The following CDH8 variants were observed in gnomAD, a reference collection of about 807,000 sequenced individuals.
CDH8 encodes the protein cadherin 8.
In CDH8, 17 loss-of-function variants were observed where a neutral mutation model predicts 68.1. The ratio of observed to expected loss-of-function variants is 0.25; its 90% CI spans 0.17 to 0.37. The LOEUF (loss-of-function observed/expected upper bound fraction) is 0.37, where lower values mean the gene tolerates loss of function less well. Ranked by LOEUF, CDH8 falls within the 10% of genes least tolerant of loss-of-function variation. The pLI is 1.00. For missense variants in CDH8, 763 were observed against 999.3 expected, an observed-to-expected ratio of 0.76 and a Z score of 3.19; for synonymous variants, 372 against 365.1, an observed-to-expected ratio of 1.02 and a Z score of -0.21.
chr16:61,839,571 A>G (rs1054012809), intron 4 of CDH8, among the ~76,000 whole-genome samples: 1 of 152,146 alleles, frequency 6.6e-6, no homozygotes, highest in African/African-American at 2.4e-5. Context: ...ATGGTTTTTC[A>G]TACTTGTGCT....
chr16:62,003,400 A>G (rs1446287813), intron 2 of CDH8, among the ~76,000 whole-genome samples: 1 of 152,228 alleles, frequency 6.6e-6, no homozygotes, highest in Non-Finnish European at 1.5e-5. Context: ...TTTATAAAGT[A>G]TATTTTAATA....
intron 4 of CDH8, among the ~76,000 whole-genome samples, chr16:61,851,378 T>TTTTTAAGCA (rs560518477): frequency 1.3e-5 from 2 of 152,236 alleles, no homozygotes; most frequent in South Asian, 4.1e-4. Flanking sequence ...ACTTAGTTTA[T>TTTTTAAGCA]TTTTAAGCAG....
chr16:61,652,888 G>T lies in CDH8; in HGVS notation c.*720C>A. 1 of 1,525,552 alleles carries T rather than the reference G, an allele frequency of 6.6e-7. No individual in the cohort carries two copies. Among genetic ancestry groups the T allele is most frequent in the Non-Finnish European group, 8.8e-7 (1 of 1,141,848 alleles). The allele number at this position is 1,525,552 out of a possible 1,614,324, so 94.5% of individuals were successfully genotyped here. A position where few individuals can be genotyped will look rare whatever the true frequency, so the allele number is the denominator to read the frequency against. On this transcript the variant is annotated 3_prime_UTR_variant, in exon 12 of 12. Coordinates refer to ENST00000577390, the MANE Select transcript of CDH8 (RefSeq NM_001796.5). ...AAGAAGATGAAGAGGAGGGAACGAG[G>T]AATCCTGCTTCTAGAAAACAAGCAT...
At chr16:61,711,091 T>C (rs1964622876) in intron 10 of CDH8, among the ~76,000 whole-genome samples, 2 of 151,942 alleles carry the variant, frequency 1.3e-5, no homozygotes, top group African/African-American at 4.8e-5. Context: ...AAGGTTGCTT[T>C]CCTATTCTGG....
chr16:61,721,910 C>G (rs551195954), intron 9 of CDH8, among the ~76,000 whole-genome samples: 1 of 150,618 alleles, frequency 6.6e-6, no homozygotes, highest in Non-Finnish European at 1.5e-5. Flanking sequence ...TTGCTAATAC[C>G]AAGCTCCTAG....
intron 2 of CDH8, among the ~76,000 whole-genome samples, chr16:61,999,317 C>T (rs540808825): frequency 7.7e-4 from 117 of 152,250 alleles, no homozygotes; most frequent in Non-Finnish European, 1.4e-3. Context: ...AACTCCACCA[C>T]TAATTTTGCT....
At chr16:61,766,499 G>T (rs1960595252) in intron 8 of CDH8, among the ~76,000 whole-genome samples, 1 of 151,854 alleles carries the variant, frequency 6.6e-6, no homozygotes. Context: ...CCCTTGGGTA[G>T]ATACCCAGCA....
rs1170627606 is a variant in CDH8, at chr16:61,798,220, G to A, written c.1278-8738C>T. 2.6e-5 allele frequency among the ~76,000 whole-genome samples: 4 copies of A among 152,166 alleles called. No homozygotes were observed. In the South Asian group the frequency reaches 8.3e-4, roughly 31 times the overall value. ...AATGAAATGCAGTTTTACACATTGTGAAAGGATTACATTGCAAATTTGATT... is the reference window on the plus strand; with the variant it reads ...AATGAAATGCAGTTTTACACATTGTAAAAGGATTACATTGCAAATTTGATT... On this transcript the variant is annotated intron_variant, in intron 7 of 11. Transcript: ENST00000577390.
At chr16:61,712,585 TA>T (rs1276406113) in intron 10 of CDH8, among the ~76,000 whole-genome samples, 1 of 151,576 alleles carries the variant, frequency 6.6e-6, no homozygotes, top group Non-Finnish European at 1.5e-5. Context: ...TGATTTCCAT[TA>T]AAAAATATTG....
At chr16:61,814,862 T>C (rs561843798) in intron 7 of CDH8, among the ~76,000 whole-genome samples, 11 of 152,316 alleles carry the variant, frequency 7.2e-5, no homozygotes, top group African/African-American at 2.6e-4. Flanking sequence ...GAAGCTGCTC[T>C]CCATGATCCA....
intron 8 of CDH8, among the ~76,000 whole-genome samples, chr16:61,742,222 A>G (rs1959893118): frequency 6.6e-6 from 1 of 152,142 alleles, no homozygotes; most frequent in Admixed American, 6.5e-5. Flanking sequence ...CAACCATGCA[A>G]ACTTGACTTA....
chr16:61,963,637 T>A (rs1965196123), intron 2 of CDH8, among the ~76,000 whole-genome samples: 1 of 152,196 alleles, frequency 6.6e-6, no homozygotes. Context: ...TCCATTGTGA[T>A]AAGGACTGAA....
At chr16:62,028,452 T>C (rs532071620) in intron 1 of CDH8, among the ~76,000 whole-genome samples, 124 of 152,236 alleles carry the variant, frequency 8.1e-4, no homozygotes, top group African/African-American at 2.9e-3. Context: ...TAATTGCTGG[T>C]TTCCTTTGCA....
At chr16:61,844,696 C>A (rs570494524) in intron 4 of CDH8, among the ~76,000 whole-genome samples, 3 of 152,014 alleles carry the variant, frequency 2.0e-5, no homozygotes, top group Admixed American at 6.6e-5. Flanking sequence ...TTGATTATTG[C>A]AATTTAGTAT....
At chr16:61,752,761 C>T (rs1596933205) in intron 8 of CDH8, among the ~76,000 whole-genome samples, 1 of 152,292 alleles carries the variant, frequency 6.6e-6, no homozygotes, top group African/African-American at 2.4e-5. Context: ...TAAAGTGATA[C>T]AGTGCATGCT....
intron 1 of CDH8, among the ~76,000 whole-genome samples, chr16:62,023,122 A>G (rs1156782284): frequency 6.6e-6 from 1 of 152,178 alleles, no homozygotes; most frequent in African/African-American, 2.4e-5. Context: ...CCAGTGTGTG[A>G]GCAGACCTTG....
intron 3 of CDH8, among the ~76,000 whole-genome samples, chr16:61,889,833 C>T (rs1479256259): frequency 6.6e-6 from 1 of 152,076 alleles, no homozygotes; most frequent in Non-Finnish European, 1.5e-5. Flanking sequence ...CATCTGAGGG[C>T]AAAAAGAGGC....
At chr16:61,945,153 G>T (rs1387604936) in intron 2 of CDH8, among the ~76,000 whole-genome samples, 1 of 152,118 alleles carries the variant, frequency 6.6e-6, no homozygotes, top group East Asian at 1.9e-4. Flanking sequence ...AGAACTCTGT[G>T]ATGTTAGCAA....
intron 10 of CDH8, chr16:61,692,645 G>T (rs1437446016): frequency 1.3e-5 from 2 of 151,558 alleles, no homozygotes; most frequent in African/African-American, 2.4e-5. Flanking sequence ...TGTCATAACA[G>T]GCTAAATAAT....
Sources: allele counts gnomAD v4.1 joint callset (sites outside exome capture counted in the v4.1 genomes callset), GRCh38; gene constraint gnomAD v4.1.1; transcripts MANE v1.5; gene names NCBI Gene and HGNC (gene_info 2026-07-23, HGNC 2026-07-21).